Variants in HCN1 observed in about 807,000 individuals in gnomAD.
HCN1 encodes the protein hyperpolarization activated cyclic nucleotide gated potassium channel 1, also known as potassium/sodium hyperpolarization-activated cyclic nucleotide-gated channel 1.
In HCN1, 13 loss-of-function variants were observed where a neutral mutation model predicts 78.9. That is an observed-to-expected ratio of 0.16 (90% CI 0.11 to 0.26). HCN1 has a LOEUF of 0.26. HCN1 is among the 10% of genes least tolerant of loss of function. HCN1 has a pLI of 1.00. For synonymous variants in HCN1, 552 were observed against 455.5 expected (o/e 1.21, Z -2.70); for missense variants, 810 against 1,154.3 (o/e 0.70, Z 4.32).
rs762260422 is a variant in HCN1, at chr5:45,695,900, CCACCGCCGT to C, written c.185_193del (p.Asp62_Gly64del). Reference sequence around the variant, plus strand: ...GCCGCCGCCGCCGCCGCCACCGCCGCCACCGCCGTCCACCTTGAAGCACACGGAGTTGCC... The same window carrying C: ...GCCGCCGCCGCCGCCGCCACCGCCGCCCACCTTGAAGCACACGGAGTTGCC... On this transcript the variant is annotated inframe_deletion, in exon 1 of 8. Transcript: ENST00000303230. 2 of 1,502,096 alleles carry C rather than the reference CCACCGCCGT, an allele frequency of 1.3e-6. No individual in the cohort carries two copies. The highest frequency in any genetic ancestry group is 1.2e-5 in the South Asian group (1 of 80,448). The allele number at this position is 1,502,096 out of a possible 1,614,324, so 93.0% of individuals were successfully genotyped here.
intron 1 of HCN1, among the ~76,000 whole-genome samples, chr5:45,686,682 C>T (rs1482976954): frequency 1.1e-4 from 16 of 152,206 alleles, no homozygotes; most frequent in Admixed American, 1.0e-3. Flanking sequence ...ATGTACTCTA[C>T]AAAATATGAA....
rs1742978457 is a variant in HCN1 at position 45,536,926 on chromosome 5, C to T, written c.850-74919G>A. Among the ~76,000 whole-genome samples the T allele has an allele frequency of 2.0e-5, 3 of 152,286 alleles. 1 individual carries two copies. The Middle Eastern group carries it at 0.01, about 518-fold the overall frequency. ...ATTACAGTTGCTAACAGCTGCTTTC[C>T]CCTGTTTCCCTGCAATTGCATGCAC... On this transcript the variant is annotated intron_variant, in intron 2 of 7. Coordinates refer to ENST00000303230, the MANE Select transcript of HCN1 (RefSeq NM_021072.4).
At chr5:45,472,603 G>T (rs943250334) in intron 2 of HCN1, among the ~76,000 whole-genome samples, 2 of 103,320 alleles carry the variant, frequency 1.9e-5, no homozygotes, top group East Asian at 6.9e-4. Context: ...AAGGAGGAAA[G>T]AAAGAAAAGA....
intron 1 of HCN1, among the ~76,000 whole-genome samples, chr5:45,688,442 G>A (rs1739848919): frequency 6.6e-6 from 1 of 152,056 alleles, no homozygotes; most frequent in South Asian, 2.1e-4. Context: ...AATAGTTGGG[G>A]CACATACTTG....
chr5:45,391,156 C>T (rs1481982422), intron 4 of HCN1, among the ~76,000 whole-genome samples: 1 of 152,126 alleles, frequency 6.6e-6, no homozygotes, highest in Non-Finnish European at 1.5e-5. Context: ...AAGAGGAAAG[C>T]ATTTAAGAAT....
chr5:45,652,464 C>A (rs893013521), intron 1 of HCN1, among the ~76,000 whole-genome samples: 1 of 151,880 alleles, frequency 6.6e-6, no homozygotes, highest in African/African-American at 2.4e-5. Flanking sequence ...CAATTCTACC[C>A]AACTCTTCTT....
At chr5:45,613,381 C>T (rs998089436) in intron 2 of HCN1, among the ~76,000 whole-genome samples, 7 of 152,038 alleles carry the variant, frequency 4.6e-5, no homozygotes, top group Non-Finnish European at 1.0e-4. Context: ...ATATGTGCCA[C>T]ATCAGAGAAA....
At chr5:45,586,258 G>A (rs1744222130) in intron 2 of HCN1, among the ~76,000 whole-genome samples, 1 of 152,172 alleles carries the variant, frequency 6.6e-6, no homozygotes, top group African/African-American at 2.4e-5. Flanking sequence ...CTGCCGCCTT[G>A]CAGTTTGATC....
intron 5 of HCN1, among the ~76,000 whole-genome samples, chr5:45,351,189 T>C (rs905100672): frequency 6.6e-6 from 1 of 151,890 alleles, no homozygotes; most frequent in Non-Finnish European, 1.5e-5. Context: ...TATAGATCAA[T>C]GGAACAGAAC....
intron 3 of HCN1, among the ~76,000 whole-genome samples, chr5:45,446,543 A>G (rs995267257): frequency 4.6e-5 from 7 of 152,180 alleles, no homozygotes; most frequent in African/African-American, 1.7e-4. Context: ...AGAACGCCAC[A>G]AAGATACTCC....
At chr5:45,636,865 G>C (rs1745365697) in intron 2 of HCN1, among the ~76,000 whole-genome samples, 1 of 152,010 alleles carries the variant, frequency 6.6e-6, no homozygotes, top group Non-Finnish European at 1.5e-5. Flanking sequence ...ATGCATAATA[G>C]TATTTATAAT....
rs112438626 is a variant in HCN1 at position 45,478,926 on chromosome 5, A to T, written c.850-16919T>A. On this transcript the variant is annotated intron_variant, in intron 2 of 7. Transcript: ENST00000303230. The stretch of plus-strand genomic sequence containing the variant: ...ATCATGAGGTCAGAAGTTCAAGACC[A>T]GCCTGGCCAACATGGTTAAACCCGT... Among the ~76,000 whole-genome samples the T allele has an allele frequency of 1.4e-4, 21 of 152,230 alleles. 1 individual carries two copies. The highest frequency in any genetic ancestry group is 4.6e-4 in the African/African-American group (19 of 41,546).
intron 6 of HCN1, 126 bp downstream of exon 6, chr5:45,303,473 T>A (rs1197666988): frequency 6.7e-6 from 6 of 896,204 alleles, no homozygotes; most frequent in Non-Finnish European, 1.1e-5. Flanking sequence ...TAGACACTTT[T>A]ATCAGAATTC....
chr5:45,456,508 A>T (rs1016963750), intron 3 of HCN1, among the ~76,000 whole-genome samples: 1 of 152,002 alleles, frequency 6.6e-6, no homozygotes, highest in Admixed American at 6.6e-5. Flanking sequence ...ATTCCTTCAA[A>T]TCACAACAAA....
intron 3 of HCN1, among the ~76,000 whole-genome samples, chr5:45,431,149 T>C (rs80138556): frequency 0.033 from 4,952 of 152,284 alleles, 262 homozygotes; most frequent in African/African-American, 0.11. Context: ...TCGTGTGAAA[T>C]GGCATCTCAT....
At position 45,342,346 on chromosome 5, in the gene HCN1, T is replaced by G. The variant is rs113912957; in HGVS notation, c.1377+10754A>C. Among the ~76,000 whole-genome samples, 199 of 151,682 alleles carry G rather than the reference T, an allele frequency of 1.3e-3. 2 individuals are homozygous for G. Among genetic ancestry groups the G allele is most frequent in the African/African-American group, 4.7e-3 (193 of 41,366 alleles). ...CCAGGTTCAAGCAATTCCCCTGCCTTAGCCTCCCAACTAGCTGGGATTACA... is the reference window on the plus strand; with the variant it reads ...CCAGGTTCAAGCAATTCCCCTGCCTGAGCCTCCCAACTAGCTGGGATTACA... On this transcript the variant is annotated intron_variant, in intron 5 of 7. Coordinates refer to ENST00000303230, the MANE Select transcript of HCN1 (RefSeq NM_021072.4).
At chr5:45,372,569 TA>T (rs1398419471) in intron 4 of HCN1, among the ~76,000 whole-genome samples, 1 of 122,054 alleles carries the variant, frequency 8.2e-6, no homozygotes, top group Non-Finnish European at 1.6e-5. Context: ...CATTTACATA[TA>T]AAAATATATA....
At chr5:45,437,004 C>T (rs779150613) in intron 3 of HCN1, among the ~76,000 whole-genome samples, 21 of 152,180 alleles carry the variant, frequency 1.4e-4, no homozygotes, top group Admixed American at 1.4e-3. Flanking sequence ...AATACTCCCT[C>T]CTTTATGTCA....
intron 4 of HCN1, among the ~76,000 whole-genome samples, chr5:45,375,208 TAATA>T (rs927333118): frequency 8.6e-6 from 1 of 116,458 alleles, no homozygotes; most frequent in Admixed American, 1.1e-4. Context: ...TAATATTTTA[TAATA>T]TATAATATAA....
Sources: gnomAD v4.1 joint callset for allele counts (sites outside exome capture counted in the v4.1 genomes callset) on GRCh38, gnomAD v4.1.1 for gene constraint, MANE v1.5 for transcripts, NCBI Gene and HGNC (gene_info 2026-07-23, HGNC 2026-07-21) for gene names.